LRP1B: variants seen among roughly 807,000 people sequenced by gnomAD.
LRP1B encodes low-density lipoprotein receptor-related protein 1B.
In LRP1B, 217 loss-of-function variants were observed where a neutral mutation model predicts 556.6. That is an observed-to-expected ratio of 0.39 (90% CI 0.35 to 0.44). The LOEUF (loss-of-function observed/expected upper bound fraction) is 0.44, where lower values mean the gene tolerates loss of function less well. LRP1B is among the 20% of genes least tolerant of loss of function. The probability of loss-of-function intolerance (pLI) is 1.00; values close to 1 mark genes in which losing one functional copy is unlikely to be tolerated. For synonymous variants in LRP1B, 2,047 were observed against 1,865.8 expected, an observed-to-expected ratio of 1.10 and a Z score of -2.50; for missense variants, 5,053 against 5,620.8, an observed-to-expected ratio of 0.90 and a Z score of 3.23.
chr2:141,277,090 T>C (rs1461393899), intron 3 of LRP1B, among the ~76,000 whole-genome samples: 5 of 152,228 alleles, frequency 3.3e-5, no homozygotes, highest in Non-Finnish European at 7.3e-5. Context: ...AATAGTGCTG[T>C]AATAAACATG....
intron 3 of LRP1B, among the ~76,000 whole-genome samples, chr2:141,310,851 T>A (rs1482367076): frequency 6.6e-6 from 1 of 152,114 alleles, no homozygotes; most frequent in Non-Finnish European, 1.5e-5. Flanking sequence ...GAAAGTAAAA[T>A]CTTATTACTA....
At chr2:141,417,056 G>C (rs28671124) in intron 3 of LRP1B, among the ~76,000 whole-genome samples, 1 of 151,664 alleles carries the variant, frequency 6.6e-6, no homozygotes, top group Admixed American at 6.6e-5. Flanking sequence ...CTATTTTTTC[G>C]TTCTCAAATA....
chr2:141,850,373 T>C (rs115261310), intron 1 of LRP1B, among the ~76,000 whole-genome samples: 1,592 of 151,840 alleles, frequency 0.01, 11 homozygotes, highest in Non-Finnish European at 0.015. Context: ...CTTTGTGACA[T>C]AGATAGTATT....
intron 66 of LRP1B, among the ~76,000 whole-genome samples, chr2:140,431,210 T>A (rs1685924394): frequency 6.6e-6 from 1 of 152,146 alleles, no homozygotes; most frequent in South Asian, 2.1e-4. Flanking sequence ...TAGAACGGAC[T>A]AATGATGTTT....
At chr2:142,045,065 G>A (rs961628894) in intron 1 of LRP1B, among the ~76,000 whole-genome samples, 1 of 150,778 alleles carries the variant, frequency 6.6e-6, no homozygotes, top group African/African-American at 2.4e-5. Context: ...ATAAGACTAT[G>A]CATTTTAATT....
chr2:141,996,508 A>G (rs766471479), intron 1 of LRP1B, among the ~76,000 whole-genome samples: 1 of 152,156 alleles, frequency 6.6e-6, no homozygotes, highest in Admixed American at 6.6e-5. Context: ...TAGGGACATA[A>G]GAAATGCTCA....
intron 2 of LRP1B, among the ~76,000 whole-genome samples, chr2:141,682,472 A>G (rs1212225370): frequency 1.3e-5 from 2 of 152,142 alleles, no homozygotes; most frequent in South Asian, 2.1e-4. Context: ...AGAATATTCT[A>G]TGAATACAGT....
At chr2:141,331,726 A>G (rs1490763631) in intron 3 of LRP1B, among the ~76,000 whole-genome samples, 2 of 152,080 alleles carry the variant, frequency 1.3e-5, no homozygotes, top group African/African-American at 4.8e-5. Context: ...ACTGTACTGT[A>G]ATGTCTTTGG....
chr2:140,622,434 A>G (rs1312903821), intron 41 of LRP1B, among the ~76,000 whole-genome samples: 1 of 152,096 alleles, frequency 6.6e-6, no homozygotes, highest in African/African-American at 2.4e-5. Flanking sequence ...CTGCCTGTCA[A>G]TTGCTTCAGT....
intron 7 of LRP1B, among the ~76,000 whole-genome samples, chr2:141,119,611 G>A (rs1421509604): frequency 2.0e-5 from 3 of 151,728 alleles, no homozygotes; most frequent in African/African-American, 7.3e-5. Context: ...CAAAGGAAAA[G>A]CACATTGTCC....
chr2:141,441,585 C>G (rs558998489), intron 3 of LRP1B, among the ~76,000 whole-genome samples: 31 of 152,062 alleles, frequency 2.0e-4, no homozygotes, highest in Non-Finnish European at 4.0e-4. Flanking sequence ...TTAAAAAGCT[C>G]ACATCAGGAA....
intron 15 of LRP1B, among the ~76,000 whole-genome samples, chr2:141,003,108 A>G (rs1697473097): frequency 6.6e-6 from 1 of 152,062 alleles, no homozygotes; most frequent in Non-Finnish European, 1.5e-5. Flanking sequence ...CATAAACTAC[A>G]TGGTAAAACA....
chr2:141,199,181 T>A (rs2105220576), intron 6 of LRP1B, among the ~76,000 whole-genome samples: 1 of 152,238 alleles, frequency 6.6e-6, no homozygotes, highest in African/African-American at 2.4e-5. Flanking sequence ...CTCTTAAGAT[T>A]TACTGTCCCG....
chr2:141,180,996 T>G (rs956649698), intron 7 of LRP1B, among the ~76,000 whole-genome samples: 2 of 151,962 alleles, frequency 1.3e-5, no homozygotes, highest in African/African-American at 4.8e-5. Context: ...ATAACTGATT[T>G]TTCTTTCTTA....
At chr2:141,899,333 A>G (rs1351538911) in intron 1 of LRP1B, among the ~76,000 whole-genome samples, 1 of 152,142 alleles carries the variant, frequency 6.6e-6, no homozygotes, top group Non-Finnish European at 1.5e-5. Flanking sequence ...GTGCCCTGTC[A>G]TGTGGCATAT....
intron 41 of LRP1B, among the ~76,000 whole-genome samples, chr2:140,680,280 G>A (rs970170911): frequency 3.9e-5 from 6 of 152,006 alleles, no homozygotes; most frequent in African/African-American, 4.8e-5. Context: ...AAATGTATAC[G>A]TGCACCGGAG....
chr2:140,894,490 G>A (rs1327456564), intron 23 of LRP1B, among the ~76,000 whole-genome samples: 2 of 151,192 alleles, frequency 1.3e-5, no homozygotes, highest in Non-Finnish European at 2.9e-5. Context: ...GCAAGGAACT[G>A]AAAAAATCAA....
At chr2:141,686,789 A>G (rs1370102278) in intron 2 of LRP1B, among the ~76,000 whole-genome samples, 2 of 151,940 alleles carry the variant, frequency 1.3e-5, no homozygotes, top group Non-Finnish European at 2.9e-5. Flanking sequence ...CCATCAGTAG[A>G]TTAAAGGGTT....
At chr2:141,008,260 T>C (rs1697637803) in intron 14 of LRP1B, among the ~76,000 whole-genome samples, 2 of 151,438 alleles carry the variant, frequency 1.3e-5, no homozygotes, top group Admixed American at 1.3e-4. Context: ...ACTTTACATA[T>C]ACATTATATT....
Sources: allele counts gnomAD v4.1 joint callset (sites outside exome capture counted in the v4.1 genomes callset), GRCh38; gene constraint gnomAD v4.1.1; transcripts MANE v1.5; gene names NCBI Gene and HGNC (gene_info 2026-07-23, HGNC 2026-07-21).